CAMTA1: variants seen among roughly 807,000 people sequenced by gnomAD.
CAMTA1 encodes calmodulin binding transcription activator 1, also known as calmodulin-binding transcription activator 1.
A neutral mutation model predicts 170.9 loss-of-function variants in CAMTA1; 27 were observed. That is an observed-to-expected ratio of 0.16 (90% CI 0.12 to 0.22). The LOEUF is 0.22. Among genes scored for constraint, CAMTA1 ranks in the 10% least tolerant of loss-of-function variants. CAMTA1 has a pLI of 1.00. For synonymous variants in CAMTA1, 833 were observed against 891.5 expected, an observed-to-expected ratio of 0.93 and a Z score of 1.17; for missense variants, 1,619 against 2,217.2, an observed-to-expected ratio of 0.73 and a Z score of 5.42.
chr1:6,850,668 G>GT (rs1660033588), intron 3 of CAMTA1, among the ~76,000 whole-genome samples: 1 of 152,214 alleles, frequency 6.6e-6, no homozygotes, highest in African/African-American at 2.4e-5. Flanking sequence ...TGGTGATGAG[G>GT]TAGGGAAGCC....
At chr1:7,013,581 G>A (rs10429971) in intron 3 of CAMTA1, among the ~76,000 whole-genome samples, 21,112 of 152,108 alleles carry the variant, frequency 0.14, 1,576 homozygotes, top group Non-Finnish European at 0.18. Context: ...AGGCCTGGCC[G>A]TCCTCAGTGC....
chr1:7,447,293 GGCACT>G, intron 5 of CAMTA1, among the ~76,000 whole-genome samples: 1 of 152,030 alleles, frequency 6.6e-6, no homozygotes. Context: ...CTACAAGAAG[GGCACT>G]TGGTAAACAC....
intron 6 of CAMTA1, among the ~76,000 whole-genome samples, chr1:7,517,702 G>A (rs2177901): frequency 0.51 from 76,946 of 151,698 alleles, 21,168 homozygotes; most frequent in Non-Finnish European, 0.61. Context: ...CAGGGTCAGA[G>A]ACACTTAGAG....
At chr1:6,794,454 A>T (rs1409524408) in intron 1 of CAMTA1, among the ~76,000 whole-genome samples, 2 of 152,214 alleles carry the variant, frequency 1.3e-5, no homozygotes, top group South Asian at 4.1e-4. Flanking sequence ...ACTTAATAAG[A>T]TCTTCTTTTT....
intron 3 of CAMTA1, among the ~76,000 whole-genome samples, chr1:6,956,911 GGGT>G (rs1394470454): frequency 2.0e-5 from 3 of 152,192 alleles, no homozygotes. Flanking sequence ...CAAGAGGCCT[GGGT>G]GGGATTAGTT....
chr1:7,204,953 C>T (rs111551554), intron 4 of CAMTA1, among the ~76,000 whole-genome samples: 105 of 150,802 alleles, frequency 7.0e-4, no homozygotes, highest in African/African-American at 2.4e-3. Context: ...CCTCAGCCTC[C>T]CAAGTAGCTG....
intron 4 of CAMTA1, among the ~76,000 whole-genome samples, chr1:7,156,164 C>A (rs1348816762): frequency 6.6e-6 from 1 of 150,918 alleles, no homozygotes; most frequent in Admixed American, 6.6e-5. Flanking sequence ...ATCCCAGGTA[C>A]TTGGGAGGCT....
chr1:7,681,266 C>T lies in CAMTA1; in HGVS notation c.2914+3533C>T, dbSNP rs2096202368. ...TACATATTTGTGATATGAATGCAGG[C>T]ACACGTGAATGAGTGCAGGAGGGAC... On this transcript the variant is annotated intron_variant, in intron 11 of 22. Coordinates refer to ENST00000303635, the MANE Select transcript of CAMTA1 (RefSeq NM_015215.4). The surrounding 1 kb of genome is among the most constrained non-coding windows in gnomAD (Gnocchi z 4.6). 6.6e-6 allele frequency among the ~76,000 whole-genome samples: 1 copy of T among 152,094 alleles called. No individual in the cohort carries two copies. The highest frequency in any genetic ancestry group is 6.5e-5 in the Admixed American group (1 of 15,284).
At chr1:7,595,335 G>A (rs1212112538) in intron 6 of CAMTA1, among the ~76,000 whole-genome samples, 2 of 152,196 alleles carry the variant, frequency 1.3e-5, no homozygotes, top group African/African-American at 2.4e-5. Context: ...CAGAGACTCC[G>A]AGGCAAGGCA....
At chr1:7,421,975 G>T (rs1465015355) in intron 5 of CAMTA1, among the ~76,000 whole-genome samples, 1 of 144,302 alleles carries the variant, frequency 6.9e-6, no homozygotes, top group Non-Finnish European at 1.5e-5. Context: ...GTGGCTGGGG[G>T]AGTGGAGGAG....
chr1:7,483,129 G>A (rs76417441), intron 6 of CAMTA1, among the ~76,000 whole-genome samples: 1 of 152,274 alleles, frequency 6.6e-6, no homozygotes, highest in East Asian at 1.9e-4. Flanking sequence ...GAATCCTTCA[G>A]CCCCCTGCAG....
intron 3 of CAMTA1, among the ~76,000 whole-genome samples, chr1:6,953,906 TCA>T (rs1688984172): frequency 6.6e-6 from 1 of 152,118 alleles, no homozygotes; most frequent in Non-Finnish European, 1.5e-5. Context: ...CCGCAGTCTT[TCA>T]GCACTGAGCA....
chr1:7,148,670 G>A (rs1646386237), intron 4 of CAMTA1, among the ~76,000 whole-genome samples: 1 of 152,194 alleles, frequency 6.6e-6, no homozygotes, highest in Admixed American at 6.5e-5. Flanking sequence ...AGCCCAGTGT[G>A]CCCTTCCTTT....
chr1:7,340,117 T>C (rs183116148), intron 5 of CAMTA1, among the ~76,000 whole-genome samples: 1 of 152,314 alleles, frequency 6.6e-6, no homozygotes, highest in East Asian at 1.9e-4. Flanking sequence ...TCAACTCAAC[T>C]TTGCTGTTAT....
chr1:7,233,766 C>G (rs931716471), intron 4 of CAMTA1, among the ~76,000 whole-genome samples: 3 of 152,158 alleles, frequency 2.0e-5, no homozygotes, highest in African/African-American at 7.2e-5. Context: ...GGGATCTAAC[C>G]CCTCTGGACG....
intron 5 of CAMTA1, among the ~76,000 whole-genome samples, chr1:7,265,205 G>A (rs937343960): frequency 2.4e-4 from 37 of 152,232 alleles, no homozygotes; most frequent in Admixed American, 2.2e-3. Flanking sequence ...ATGTGGTGGT[G>A]AGTCCTGGAA....
At chr1:7,017,114 G>T (rs926358961) in intron 3 of CAMTA1, among the ~76,000 whole-genome samples, 1 of 152,178 alleles carries the variant, frequency 6.6e-6, no homozygotes, top group African/African-American at 2.4e-5. Context: ...CCTGGAAGTT[G>T]CTAGGTAGGC....
intron 6 of CAMTA1, among the ~76,000 whole-genome samples, chr1:7,597,762 C>T (rs774385215): frequency 1.4e-4 from 22 of 151,976 alleles, no homozygotes; most frequent in Non-Finnish European, 2.8e-4. Context: ...TGATTGAGGC[C>T]CACTGACATT....
intron 11 of CAMTA1, among the ~76,000 whole-genome samples, chr1:7,708,719 T>TA (rs1171071673): frequency 2.6e-5 from 4 of 152,220 alleles, no homozygotes; most frequent in African/African-American, 9.6e-5. Context: ...AAGCACCTAC[T>TA]ATACATCAGT....
Sources: allele counts gnomAD v4.1 joint callset (sites outside exome capture counted in the v4.1 genomes callset), GRCh38; gene constraint gnomAD v4.1.1; non-coding constraint Gnocchi (gnomAD v3.1); transcripts MANE v1.5; gene names NCBI Gene and HGNC (gene_info 2026-07-23, HGNC 2026-07-21).